Variants in NELL1 observed in about 807,000 individuals in gnomAD.
NELL1 encodes neural EGFL like 1, also known as protein kinase C-binding protein NELL1.
Under a neutral mutation model 107.4 loss-of-function variants are expected in NELL1, and 76 were observed. The observed-to-expected ratio is 0.71, with a 90% CI of 0.59 to 0.86. The LOEUF (loss-of-function observed/expected upper bound fraction) is 0.86. NELL1 is among the 40% of genes least tolerant of loss of function. The pLI, the probability that NELL1 is intolerant of heterozygous loss-of-function variation, is 0.00. For missense variants in NELL1, 1,024 were observed against 1,005.5 expected, an observed-to-expected ratio of 1.02 and a Z score of -0.25; for synonymous variants, 353 against 341.2, an observed-to-expected ratio of 1.03 and a Z score of -0.38.
chr11:21,224,794 C>A (rs1857850887), intron 13 of NELL1, among the ~76,000 whole-genome samples: 1 of 152,122 alleles, frequency 6.6e-6, no homozygotes, highest in Admixed American at 6.5e-5. Flanking sequence ...TTCAAGATTT[C>A]TTTTGAAGCA....
At chr11:20,887,662 C>G (rs1255734716) in intron 5 of NELL1, among the ~76,000 whole-genome samples, 4 of 152,140 alleles carry the variant, frequency 2.6e-5, no homozygotes, top group Non-Finnish European at 5.9e-5. Flanking sequence ...ATAATACTTC[C>G]CAGAGAACTA....
intron 2 of NELL1, among the ~76,000 whole-genome samples, chr11:20,722,968 G>GGA (rs1370014803): frequency 6.6e-6 from 1 of 152,020 alleles, no homozygotes; most frequent in East Asian, 1.9e-4. Flanking sequence ...CATAACAGCA[G>GGA]GAGAGAGAGA....
At chr11:20,991,860 A>G (rs982836143) in intron 12 of NELL1, among the ~76,000 whole-genome samples, 4 of 152,134 alleles carry the variant, frequency 2.6e-5, no homozygotes, top group African/African-American at 9.7e-5. Context: ...AATTAAACTC[A>G]TCTCTTATTC....
At chr11:21,375,131 A>C (rs974337841) in intron 15 of NELL1, among the ~76,000 whole-genome samples, 2 of 152,058 alleles carry the variant, frequency 1.3e-5, no homozygotes, top group African/African-American at 4.8e-5. Context: ...AAAATCCTAG[A>C]TATAGGATGA....
At chr11:21,295,540 T>C (rs1383640822) in intron 14 of NELL1, among the ~76,000 whole-genome samples, 1 of 152,100 alleles carries the variant, frequency 6.6e-6, no homozygotes, top group Non-Finnish European at 1.5e-5. Context: ...CAAAGAATTT[T>C]GCAAGTAAGA....
chr11:20,781,978 T>A (rs1392511756), intron 2 of NELL1, among the ~76,000 whole-genome samples: 1 of 149,790 alleles, frequency 6.7e-6, no homozygotes, highest in African/African-American at 2.5e-5. Flanking sequence ...GAGGTGGAGG[T>A]TGCAGTGAGC....
At chr11:21,155,848 A>C (rs1394239621) in intron 13 of NELL1, among the ~76,000 whole-genome samples, 1 of 152,194 alleles carries the variant, frequency 6.6e-6, no homozygotes, top group African/African-American at 2.4e-5. Flanking sequence ...GACTGATTGG[A>C]AAGGGAGAGA....
intron 13 of NELL1, among the ~76,000 whole-genome samples, chr11:21,141,737 T>TTTTATTTATTTATTTATTTA (rs201651937): frequency 6.8e-6 from 1 of 147,550 alleles, no homozygotes; most frequent in African/African-American, 2.5e-5. Flanking sequence ...CCTCTATCCT[T>TTTTATTTATTTATTTATTTA]TTTATTTATT....
intron 14 of NELL1, among the ~76,000 whole-genome samples, chr11:21,270,890 A>C (rs1294845654): frequency 2.6e-5 from 4 of 152,184 alleles, no homozygotes; most frequent in Non-Finnish European, 5.9e-5. Flanking sequence ...CTCCAAAATT[A>C]TTGGGGATTA....
intron 13 of NELL1, among the ~76,000 whole-genome samples, chr11:21,119,466 A>T (rs1346610769): frequency 6.6e-6 from 1 of 151,830 alleles, no homozygotes; most frequent in African/African-American, 2.4e-5. Flanking sequence ...TCTAGAGCTT[A>T]AAAGTGTGCT....
At position 20,970,080 on chromosome 11, in the gene NELL1, C is replaced by CATCCATCCATCT. The variant is rs1564992445; in HGVS notation, c.1300+9531_1300+9532insTATCCATCCATC. ...CCATCCATCCATCCATCCATCCATC[C>CATCCATCCATCT]ATCCATCCATCCATCCGTACTCTGA... On this transcript the variant is annotated intron_variant, in intron 12 of 19. Coordinates refer to ENST00000357134, the MANE Select transcript of NELL1 (RefSeq NM_006157.5). Among the ~76,000 whole-genome samples, 522 of 151,412 alleles carry CATCCATCCATCT rather than the reference C, an allele frequency of 3.4e-3. 4 individuals are homozygous for CATCCATCCATCT. The highest frequency in any genetic ancestry group is 0.021 in the East Asian group (109 of 5,118).
intron 16 of NELL1, among the ~76,000 whole-genome samples, chr11:21,558,250 A>G (rs1856768066): frequency 6.6e-6 from 1 of 152,036 alleles, no homozygotes; most frequent in Non-Finnish European, 1.5e-5. Flanking sequence ...CAGTTGTTTC[A>G]TAGGAAACAA....
chr11:20,953,890 G>A (rs1175587985), intron 11 of NELL1, among the ~76,000 whole-genome samples: 1 of 152,166 alleles, frequency 6.6e-6, no homozygotes, highest in Non-Finnish European at 1.5e-5. Flanking sequence ...AGTCACCCCT[G>A]CTAGAATGTA....
At chr11:21,249,860 T>A (rs1858593317) in intron 14 of NELL1, among the ~76,000 whole-genome samples, 1 of 152,160 alleles carries the variant, frequency 6.6e-6, no homozygotes. Flanking sequence ...CAGAAGAAAC[T>A]AAACTGGAAG....
At chr11:20,814,027 G>A (rs1406667805) in intron 3 of NELL1, among the ~76,000 whole-genome samples, 3 of 151,328 alleles carry the variant, frequency 2.0e-5, no homozygotes, top group Non-Finnish European at 4.4e-5. Flanking sequence ...ATGGAGTCTT[G>A]CTCTGCCACC....
intron 13 of NELL1, among the ~76,000 whole-genome samples, chr11:21,164,422 A>G (rs1266977764): frequency 6.6e-6 from 1 of 152,172 alleles, no homozygotes; most frequent in Non-Finnish European, 1.5e-5. Context: ...ACCCTCAACA[A>G]GCTAATCTTA....
chr11:20,803,007 A>G lies in NELL1; in HGVS notation c.335+19177A>G, dbSNP rs555928321. Among the ~76,000 whole-genome samples, 34 of 152,242 alleles carry G rather than the reference A, an allele frequency of 2.2e-4. 1 individual carries two copies. The Middle Eastern group carries it at 0.01, about 46-fold the overall frequency. On this transcript the variant is annotated intron_variant, in intron 3 of 19. Coordinates refer to ENST00000357134, the MANE Select transcript of NELL1 (RefSeq NM_006157.5). ...AGGATTTTTTGCAACAATGTTCATC[A>G]GTGATATTGGCCTGTAATTTTCTTT...
rs375646930 is a variant in NELL1 at position 21,321,587 on chromosome 11, G to A, written c.1550-49266G>A. Among the ~76,000 whole-genome samples, 13 of 152,202 alleles carry A rather than the reference G, an allele frequency of 8.5e-5. No individual in the cohort carries two copies. The East Asian group carries it at 1.4e-3, about 16-fold the overall frequency. On this transcript the variant is annotated intron_variant, in intron 14 of 19. Transcript: ENST00000357134. ...AATAACAGACACTGATATTTGCTACGTGCTGAAAATTGTACTAAATTCCAG... is the reference window on the plus strand; with the variant it reads ...AATAACAGACACTGATATTTGCTACATGCTGAAAATTGTACTAAATTCCAG...
At chr11:20,722,205 G>C (rs1414021291) in intron 2 of NELL1, among the ~76,000 whole-genome samples, 3 of 151,908 alleles carry the variant, frequency 2.0e-5, no homozygotes, top group African/African-American at 7.3e-5. Flanking sequence ...ATTTTTAGTA[G>C]AGACGTGATT....
Sources: gnomAD v4.1 joint callset for allele counts (sites outside exome capture counted in the v4.1 genomes callset) on GRCh38, gnomAD v4.1.1 for gene constraint, MANE v1.5 for transcripts, NCBI Gene and HGNC (gene_info 2026-07-23, HGNC 2026-07-21) for gene names.